Variants in DNAH14 observed in about 807,000 individuals in gnomAD.
The protein encoded by DNAH14 is axonemal beta dynein heavy chain 14.
DNAH14 carries 478 observed loss-of-function variants against 520.9 expected under a neutral mutation model. The observed-to-expected ratio is 0.92, with a 90% CI of 0.85 to 0.99. The LOEUF is 0.99. Ranked by LOEUF, DNAH14 falls within the 50% of genes least tolerant of loss-of-function variation. The pLI, the probability that DNAH14 is intolerant of heterozygous loss-of-function variation, is 0.00. For synonymous variants in DNAH14, 1,581 were observed against 1,757.2 expected (o/e 0.90, Z 2.51); for missense variants, 4,831 against 5,234.5 (o/e 0.92, Z 2.38).
intron 22 of DNAH14, 109 bp downstream of exon 22, chr1:225,097,348 A>C (rs942860065): frequency 9.5e-7 from 1 of 1,054,352 alleles, no homozygotes; most frequent in Non-Finnish European, 1.3e-6. Context: ...ATCTTATCCT[A>C]CCTACAGACA....
chr1:225,005,299 A>G (rs1018378195), intron 9 of DNAH14, among the ~76,000 whole-genome samples: 2 of 152,170 alleles, frequency 1.3e-5, no homozygotes, highest in Non-Finnish European at 2.9e-5. Flanking sequence ...GGTGCTGGTA[A>G]TCTACATTTT....
At chr1:225,043,471 T>G (rs2067666548) in intron 13 of DNAH14, among the ~76,000 whole-genome samples, 1 of 152,178 alleles carries the variant, frequency 6.6e-6, no homozygotes, top group Non-Finnish European at 1.5e-5. Context: ...GACACCATTA[T>G]TCATTTTCAT....
At chr1:225,081,055 T>A (rs778768125) in intron 19 of DNAH14, among the ~76,000 whole-genome samples, 1 of 152,248 alleles carries the variant, frequency 6.6e-6, no homozygotes, top group Non-Finnish European at 1.5e-5. Flanking sequence ...GATGTTTTGA[T>A]GATAAAGGAC....
At chr1:225,097,972 C>A (rs1347462340) in intron 22 of DNAH14, among the ~76,000 whole-genome samples, 1 of 152,082 alleles carries the variant, frequency 6.6e-6, no homozygotes, top group African/African-American at 2.4e-5. Flanking sequence ...CCCAAGATCA[C>A]CTGAGCACAG....
At chr1:225,158,811 C>T (rs2081279888) in intron 34 of DNAH14, among the ~76,000 whole-genome samples, 1 of 152,112 alleles carries the variant, frequency 6.6e-6, no homozygotes, top group East Asian at 1.9e-4. Context: ...ATAGCAGAGG[C>T]AGTGAGCAGT....
At chr1:225,209,840 C>T (rs2088111659) in intron 41 of DNAH14, among the ~76,000 whole-genome samples, 1 of 152,028 alleles carries the variant, frequency 6.6e-6, no homozygotes, top group Non-Finnish European at 1.5e-5. Context: ...TGAGTGTAGC[C>T]CACAAAGGGC....
intron 63 of DNAH14, among the ~76,000 whole-genome samples, 164 bp from the exon 64 acceptor site, chr1:225,324,573 A>G (rs1428221806): frequency 1.3e-5 from 2 of 152,216 alleles, no homozygotes; most frequent in African/African-American, 4.8e-5. Flanking sequence ...ATTTCATTTT[A>G]TTGTTTCACC....
Position 225,152,038 on chromosome 1 carries a change from T to C in DNAH14, c.4974T>C (p.Asn1658=). ...FVLEGKEIRI[N]MSCAVFITMN... is the part of the protein sequence containing the mutation. ...TGGAAGGAAAAGAAATTCGTATCAATATGTCTTGTGCGGTATTTATCACCA... is the reference window on the plus strand; with the variant it reads ...TGGAAGGAAAAGAAATTCGTATCAACATGTCTTGTGCGGTATTTATCACCA... The change falls in exon 32 of 86, where the codon AAT becomes AAC. Residue 1658 remains asparagine (N), a synonymous_variant. Coordinates refer to ENST00000682510, the MANE Select transcript of DNAH14 (RefSeq NM_001367479.1). 6.4e-7 allele frequency: 1 copy of C among 1,551,598 alleles called. No individual in the cohort carries two copies. Among genetic ancestry groups the C allele is most frequent in the Non-Finnish European group, 8.7e-7 (1 of 1,146,948 alleles).
chr1:225,375,614 T>C (rs969441177), intron 78 of DNAH14, among the ~76,000 whole-genome samples: 2 of 152,070 alleles, frequency 1.3e-5, no homozygotes, highest in African/African-American at 4.8e-5. Context: ...ATAGTAAAAA[T>C]ATTTTAGGGA....
rs1407499455 is a variant in DNAH14 at position 224,967,710 on chromosome 1, A to G, written c.651+127A>G. 6.3e-6 allele frequency: 10 copies of G among 1,590,818 alleles called. No homozygotes were observed. In the South Asian group the frequency reaches 7.0e-5, roughly 11 times the overall value. On this transcript the variant is annotated intron_variant, in intron 6 of 85. Coordinates refer to ENST00000682510, the MANE Select transcript of DNAH14 (RefSeq NM_001367479.1). Reference sequence around the variant, plus strand: ...CTTGGTCATTTGTGGAGCAGTTTATATATAAGAATCTCCTTGGGAGCATGT... The same window carrying G: ...CTTGGTCATTTGTGGAGCAGTTTATGTATAAGAATCTCCTTGGGAGCATGT...
chr1:225,162,765 A>G (rs1416638134), intron 35 of DNAH14, among the ~76,000 whole-genome samples: 1 of 152,016 alleles, frequency 6.6e-6, no homozygotes, highest in African/African-American at 2.4e-5. Flanking sequence ...ATTCCTAGGT[A>G]TTTAATTTTA....
chr1:225,303,073 T>A, intron 56 of DNAH14, 83 bp from the exon 57 acceptor site: 1 of 1,055,756 alleles, frequency 9.5e-7, no homozygotes, highest in Non-Finnish European at 1.3e-6. Context: ...ATCTGAAATA[T>A]GTTTTCCATG....
At chr1:225,068,654 A>C (rs929946010) in intron 17 of DNAH14, among the ~76,000 whole-genome samples, 1 of 151,900 alleles carries the variant, frequency 6.6e-6, no homozygotes, top group African/African-American at 2.4e-5. Context: ...CCTTGTAGAG[A>C]TCTTTTACCT....
chr1:225,045,173 C>G (rs1162850378), intron 15 of DNAH14, among the ~76,000 whole-genome samples: 1 of 151,832 alleles, frequency 6.6e-6, no homozygotes, highest in Non-Finnish European at 1.5e-5. Flanking sequence ...TCCTTTTTTT[C>G]CCTTTGGATT....
At chr1:225,022,729 A>G (rs976178185) in intron 10 of DNAH14, among the ~76,000 whole-genome samples, 1 of 152,196 alleles carries the variant, frequency 6.6e-6, no homozygotes, top group African/African-American at 2.4e-5. Flanking sequence ...CAACTCAGCA[A>G]TCCCTCTACT....
intron 43 of DNAH14, among the ~76,000 whole-genome samples, chr1:225,248,749 A>G: frequency 6.6e-6 from 1 of 152,196 alleles, no homozygotes; most frequent in East Asian, 1.9e-4. Context: ...CAATGACATA[A>G]CAAATAGGAA....
At chr1:225,393,254 TAA>T (rs767507355) in intron 84 of DNAH14, among the ~76,000 whole-genome samples, 1 of 152,138 alleles carries the variant, frequency 6.6e-6, no homozygotes, top group Non-Finnish European at 1.5e-5. Context: ...AAAATAGTAA[TAA>T]ATAAATAAGT....
chr1:225,031,125 A>T (rs1444518636), intron 11 of DNAH14, among the ~76,000 whole-genome samples: 1 of 152,012 alleles, frequency 6.6e-6, no homozygotes, highest in East Asian at 1.9e-4. Context: ...TCATATTTTG[A>T]TGGTATTAAA....
At chr1:225,303,069 A>G (rs541024030) in intron 56 of DNAH14, 87 bp from the exon 57 acceptor site, 1 of 1,041,592 alleles carries the variant, frequency 9.6e-7, no homozygotes, top group East Asian at 2.6e-5. Context: ...AAAGATCTGA[A>G]ATATGTTTTC....
Sources: allele counts gnomAD v4.1 joint callset (sites outside exome capture counted in the v4.1 genomes callset), GRCh38; gene constraint gnomAD v4.1.1; transcripts MANE v1.5; gene names NCBI Gene and HGNC (gene_info 2026-07-23, HGNC 2026-07-21).